TANC2: variants seen among roughly 807,000 people sequenced by gnomAD.
TANC2 encodes tetratricopeptide repeat, ankyrin repeat and coiled-coil containing 2.
TANC2 carries 26 observed loss-of-function variants against 210.5 expected under a neutral mutation model. That is an observed-to-expected ratio of 0.12 (90% CI 0.09 to 0.17). TANC2 has a LOEUF of 0.17. TANC2 is among the 10% of genes least tolerant of loss of function. The pLI is 1.00. For missense variants in TANC2, 2,129 were observed against 2,608.9 expected, an observed-to-expected ratio of 0.82 and a Z score of 4.01; for synonymous variants, 931 against 967.1, an observed-to-expected ratio of 0.96 and a Z score of 0.69.
intron 4 of TANC2, among the ~76,000 whole-genome samples, chr17:63,140,773 A>C (rs558384235): frequency 1.3e-5 from 2 of 152,276 alleles, no homozygotes; most frequent in African/African-American, 4.8e-5. Flanking sequence ...TTTGAGACAG[A>C]GTGTCGCTTT....
intron 9 of TANC2, among the ~76,000 whole-genome samples, chr17:63,288,655 A>G (rs1184372310): frequency 6.6e-6 from 1 of 152,134 alleles, no homozygotes; most frequent in African/African-American, 2.4e-5. Context: ...GGATCTTCAT[A>G]TGTTTTTGGA....
chr17:63,167,767 T>G (rs1216555290), intron 5 of TANC2, among the ~76,000 whole-genome samples: 1 of 151,176 alleles, frequency 6.6e-6, no homozygotes, highest in African/African-American at 2.4e-5. Flanking sequence ...CCCCTGTAAT[T>G]CCAGCTGCTC....
At chr17:63,047,814 TTTAC>T in intron 2 of TANC2, among the ~76,000 whole-genome samples, 1 of 152,238 alleles carries the variant, frequency 6.6e-6, no homozygotes, top group African/African-American at 2.4e-5. Flanking sequence ...AGCATACAAA[TTTAC>T]TTAATGAATT....
chr17:62,994,412 A>G (rs1402360347), intron 1 of TANC2, among the ~76,000 whole-genome samples: 2 of 151,600 alleles, frequency 1.3e-5, no homozygotes, highest in Non-Finnish European at 2.9e-5. Flanking sequence ...GGCTAGTTAA[A>G]TGGATGATTT....
At chr17:63,362,188 C>T (rs2046981647) in intron 14 of TANC2, among the ~76,000 whole-genome samples, 1 of 152,212 alleles carries the variant, frequency 6.6e-6, no homozygotes, top group African/African-American at 2.4e-5. Context: ...GTTCAGCTCT[C>T]AGGGGAGAGG....
chr17:63,152,259 G>A (rs1333435687), intron 5 of TANC2: 1 of 152,152 alleles, frequency 6.6e-6, no homozygotes, highest in Non-Finnish European at 1.5e-5. Context: ...GGGGTCAGCA[G>A]AGTAAAATGA....
At chr17:63,084,141 T>C (rs2036875129) in intron 3 of TANC2, among the ~76,000 whole-genome samples, 1 of 152,216 alleles carries the variant, frequency 6.6e-6, no homozygotes, top group South Asian at 2.1e-4. Context: ...AGGTTACCAG[T>C]TACTGATTAA....
At position 63,059,279 on chromosome 17, in the gene TANC2, T is replaced by C. The variant is rs1400235051; in HGVS notation, c.68-14664T>C. Among the ~76,000 whole-genome samples, 3 of 152,220 alleles carry C rather than the reference T, an allele frequency of 2.0e-5. No individual in the cohort carries two copies. In the South Asian group the frequency reaches 6.2e-4, roughly 31 times the overall value. ...AAATCAGTAGCTGGATTTTGTTGAA[T>C]ATGCACTCAGGAACAATTAAACATT... On this transcript the variant is annotated intron_variant, in intron 2 of 27. Coordinates refer to ENST00000689528, the Ensembl canonical transcript of TANC2.
rs2043628996 is a variant in TANC2 at position 63,269,419 on chromosome 17, A to G, written c.1159+1546A>G. Among the ~76,000 whole-genome samples the G allele has an allele frequency of 1.3e-5, 2 of 152,174 alleles. 1 individual carries two copies. Among genetic ancestry groups the G allele is most frequent in the Admixed American group, 1.3e-4 (2 of 15,258 alleles). ...CAAATAATTGATTTGCGCCCCGACCAGAATGCACAGCCGTAATAAAGAAGA... is the reference window on the plus strand; with the variant it reads ...CAAATAATTGATTTGCGCCCCGACCGGAATGCACAGCCGTAATAAAGAAGA... On this transcript the variant is annotated intron_variant, in intron 9 of 27. Transcript: ENST00000689528.
At chr17:63,198,492 G>C (rs920788332) in intron 6 of TANC2, among the ~76,000 whole-genome samples, 1 of 151,938 alleles carries the variant, frequency 6.6e-6, no homozygotes. Flanking sequence ...CACCATGCTG[G>C]GCCTAAAACT....
intron 5 of TANC2, among the ~76,000 whole-genome samples, chr17:63,179,992 AAG>A (rs1422585423): frequency 5.4e-5 from 7 of 130,828 alleles, no homozygotes; most frequent in Admixed American, 3.4e-4. Context: ...AAAAAAAAAA[AAG>A]CCTTGGTGTG....
In TANC2 at chr17:63,272,584, A is replaced by G. The variant is rs143577945; in HGVS notation, c.1159+4711A>G. On this transcript the variant is annotated intron_variant, in intron 9 of 27. Transcript: ENST00000689528. The stretch of plus-strand genomic sequence containing the variant: ...TTAACGACATTGATTCTTCCTATTC[A>G]TGAGCATGAAATTTTTTTTATTTGT... Among the ~76,000 whole-genome samples the G allele has an allele frequency of 4.3e-3, 657 of 152,280 alleles. 6 individuals carry two copies. The highest frequency in any genetic ancestry group is 0.014 in the African/African-American group (574 of 41,578).
At chr17:63,416,093 G>A (rs1298224800) in intron 26 of TANC2, among the ~76,000 whole-genome samples, 2 of 152,160 alleles carry the variant, frequency 1.3e-5, no homozygotes, top group South Asian at 2.1e-4. Context: ...GAGAGGGCTT[G>A]GACCATGGTC....
chr17:63,213,883 C>T (rs957391245), intron 7 of TANC2, among the ~76,000 whole-genome samples: 1 of 152,130 alleles, frequency 6.6e-6, no homozygotes, highest in Non-Finnish European at 1.5e-5. Flanking sequence ...ACCAGGACTG[C>T]CTTAGCATAT....
At chr17:63,200,696 G>A (rs1054478351) in intron 6 of TANC2, 75 bp from the exon 7 acceptor site, 13 of 1,297,572 alleles carry the variant, frequency 1.0e-5, no homozygotes, top group Non-Finnish European at 1.4e-5. Flanking sequence ...TTTCATCAAA[G>A]CATTTATTTT....
chr17:63,185,498 A>G (rs1263188969), intron 5 of TANC2, among the ~76,000 whole-genome samples: 1 of 152,142 alleles, frequency 6.6e-6, no homozygotes, highest in Non-Finnish European at 1.5e-5. Context: ...TTATACAACT[A>G]GTAGTGGACT....
chr17:63,047,807 A>G (rs1241074163), intron 2 of TANC2, among the ~76,000 whole-genome samples: 1 of 152,228 alleles, frequency 6.6e-6, no homozygotes, highest in Non-Finnish European at 1.5e-5. Context: ...TAAAAAAAGC[A>G]TACAAATTTA....
At chr17:63,324,301 A>T (rs1453491615) in intron 11 of TANC2, among the ~76,000 whole-genome samples, 1 of 152,236 alleles carries the variant, frequency 6.6e-6, no homozygotes, top group African/African-American at 2.4e-5. Context: ...GTAAGAAAAA[A>T]AGTAAATGTC....
chr17:63,288,109 A>ACAT (rs1282724696), intron 9 of TANC2, among the ~76,000 whole-genome samples: 13 of 152,258 alleles, frequency 8.5e-5, no homozygotes, highest in Admixed American at 7.8e-4. Flanking sequence ...CCTCACATAC[A>ACAT]CATGCCAGTG....
Sources: gnomAD v4.1 joint callset for allele counts (sites outside exome capture counted in the v4.1 genomes callset) on GRCh38, gnomAD v4.1.1 for gene constraint, MANE v1.5 for transcripts, NCBI Gene and HGNC (gene_info 2026-07-23, HGNC 2026-07-21) for gene names.